OXSR1: variants seen among roughly 807,000 people sequenced by gnomAD.
OXSR1 encodes oxidative stress responsive kinase 1.
A neutral mutation model predicts 79.8 loss-of-function variants in OXSR1; 24 were observed. The ratio of observed to expected loss-of-function variants is 0.30; its 90% CI spans 0.22 to 0.42. OXSR1 has a LOEUF of 0.42. Ranked by LOEUF, OXSR1 falls within the 10% of genes least tolerant of loss-of-function variation. OXSR1 has a pLI of 1.00. For synonymous variants in OXSR1, 226 were observed against 209.2 expected (o/e 1.08, Z -0.69); for missense variants, 430 against 618.4 (o/e 0.70, Z 3.23).
intron 5 of OXSR1, among the ~76,000 whole-genome samples, chr3:38,221,320 A>G (rs1400773601): frequency 6.6e-6 from 1 of 151,996 alleles, no homozygotes; most frequent in South Asian, 2.1e-4. Context: ...AGGTCTCCCT[A>G]TGTTGCTTAG....
chr3:38,191,006 C>T (rs1318088862), intron 3 of OXSR1, among the ~76,000 whole-genome samples, 167 bp downstream of exon 3: 1 of 152,158 alleles, frequency 6.6e-6, no homozygotes, highest in Non-Finnish European at 1.5e-5. Context: ...ACAGTTTTCA[C>T]ACATTGCATT....
upstream of OXSR1, among the ~76,000 whole-genome samples, chr3:38,164,085 A>T (rs1178324990): frequency 6.6e-5 from 10 of 152,286 alleles, no homozygotes; most frequent in Non-Finnish European, 1.5e-5. Flanking sequence ...AAGTAACTCA[A>T]GATTTTCCTT....
In OXSR1 at chr3:38,235,347, T is replaced by C. The variant is rs368812187; in HGVS notation, c.952-1492T>C. ...ATTCAATATAAAGGTTGAGGAAATT[T>C]CCCAGAAAAGAGTTCAAAAGGCCCA... On this transcript the variant is annotated intron_variant, in intron 10 of 17. Coordinates refer to ENST00000311806, the MANE Select transcript of OXSR1 (RefSeq NM_005109.3). Among the ~76,000 whole-genome samples the C allele has an allele frequency of 3.3e-5, 5 of 152,000 alleles. No homozygotes were observed. The East Asian group carries it at 5.8e-4, about 18-fold the overall frequency.
chr3:38,212,260 T>C (rs1702403354), intron 4 of OXSR1, among the ~76,000 whole-genome samples: 1 of 152,236 alleles, frequency 6.6e-6, no homozygotes, highest in Admixed American at 6.5e-5. Context: ...ATTTTTAGGA[T>C]GTCTTGCTAC....
chr3:38,205,513 G>A (rs939597601), intron 4 of OXSR1, among the ~76,000 whole-genome samples: 4 of 152,174 alleles, frequency 2.6e-5, no homozygotes, highest in African/African-American at 7.2e-5. Context: ...TGAATAGCAG[G>A]GGCCTCTTTG....
chr3:38,166,480 A>C (rs1411226053), intron 1 of OXSR1, among the ~76,000 whole-genome samples: 1 of 152,048 alleles, frequency 6.6e-6, no homozygotes, highest in South Asian at 2.1e-4. Context: ...GGAGGTAGAC[A>C]TTAAATAAGA....
chr3:38,247,538 G>A (rs1015743340), intron 13 of OXSR1, 130 bp from the exon 14 acceptor site: 2 of 621,398 alleles, frequency 3.2e-6, no homozygotes, highest in Non-Finnish European at 5.9e-6. Context: ...AATGTCCTGG[G>A]GATTAGTATG....
chr3:38,193,493 A>C, intron 3 of OXSR1: 2 of 972,384 alleles, frequency 2.1e-6, no homozygotes, highest in Non-Finnish European at 1.4e-6. Flanking sequence ...AATATGTAAT[A>C]CAACATTTTT....
intron 11 of OXSR1, among the ~76,000 whole-genome samples, chr3:38,239,583 C>A (rs1702986229): frequency 6.6e-6 from 1 of 152,166 alleles, no homozygotes; most frequent in Non-Finnish European, 1.5e-5. Flanking sequence ...AGGCACTGTT[C>A]CTGGCCCTGT....
At chr3:38,250,136 T>G (rs1212408861) in intron 15 of OXSR1, 118 bp downstream of exon 15, 10 of 725,618 alleles carry the variant, frequency 1.4e-5, no homozygotes, top group Admixed American at 2.6e-5. Flanking sequence ...AAAATTTTCC[T>G]GGTTTTGGCG....
chr3:38,227,605 A>G (rs935309393), intron 8 of OXSR1, among the ~76,000 whole-genome samples: 5 of 152,040 alleles, frequency 3.3e-5, no homozygotes, highest in African/African-American at 1.2e-4. Context: ...GTATACATAT[A>G]CATGAACTTA....
chr3:38,255,373 A>T lies in OXSR1; in HGVS notation c.*2482A>T, dbSNP rs1575383422. The T allele has an allele frequency of 6.6e-6, 1 of 152,660 alleles. No homozygotes were observed. The highest frequency in any genetic ancestry group is 1.5e-5 in the Non-Finnish European group (1 of 68,042). 9.5% of individuals were successfully genotyped at this position (152,660 alleles called of 1,614,324 possible). A position where few individuals can be genotyped will look rare whatever the true frequency, so the allele number is the denominator to read the frequency against. On this transcript the variant is annotated 3_prime_UTR_variant, in exon 18 of 18. Coordinates refer to ENST00000311806, the MANE Select transcript of OXSR1 (RefSeq NM_005109.3). ...CAATAAGTGGAGATTCCTCCTTATG[A>T]TGTATGCTAGGTTATGGAAGATGTA...
In OXSR1 at chr3:38,242,745, TC is replaced by T; in HGVS notation, c.1081del (p.Arg361GlufsTer2). 1 of 1,562,252 alleles carries T rather than the reference TC, an allele frequency of 6.4e-7. No homozygotes were observed. Among genetic ancestry groups the T allele is most frequent in the Non-Finnish European group, 8.7e-7 (1 of 1,143,792 alleles). ...GKAAISQLRS[P>X]RVKESISNSE... ...CATCCTTTTTGTATTTCGTTTAGTC[TC>T]CCCGAGTGAAAGAATCAATATCAAA... is the stretch of plus-strand genomic sequence containing the variant. On this transcript the variant is annotated frameshift_variant, in exon 12 of 18. Transcript: ENST00000311806. LOFTEE classifies it high-confidence loss of function.
intron 4 of OXSR1, among the ~76,000 whole-genome samples, chr3:38,209,409 A>C (rs1364362132): frequency 6.6e-6 from 1 of 151,718 alleles, no homozygotes; most frequent in African/African-American, 2.4e-5. Context: ...TTATAGAGAC[A>C]GGGTCCTACA....
intron 1 of OXSR1, among the ~76,000 whole-genome samples, chr3:38,171,830 A>G (rs1392761476): frequency 6.6e-6 from 1 of 152,234 alleles, no homozygotes; most frequent in Non-Finnish European, 1.5e-5. Flanking sequence ...ATTTCTGAGC[A>G]TGTGTTATAC....
chr3:38,229,921 G>T (rs1031906280), intron 9 of OXSR1, among the ~76,000 whole-genome samples, 186 bp downstream of exon 9: 2 of 152,086 alleles, frequency 1.3e-5, no homozygotes, highest in Admixed American at 1.3e-4. Context: ...TAGTAAATCC[G>T]TTTTTAAATA....
chr3:38,241,612 G>T (rs576604835), intron 11 of OXSR1, among the ~76,000 whole-genome samples: 1 of 152,052 alleles, frequency 6.6e-6, no homozygotes, highest in East Asian at 1.9e-4. Context: ...AATATATTTA[G>T]AAAGAGAAAG....
chr3:38,237,869 C>T (rs1331156540), intron 11 of OXSR1, among the ~76,000 whole-genome samples: 2 of 152,124 alleles, frequency 1.3e-5, no homozygotes, highest in African/African-American at 4.8e-5. Context: ...TTCTTCCTTA[C>T]TTTTTCATGT....
At position 38,178,345 on chromosome 3, in the gene OXSR1, G is replaced by A. The variant is rs564167878; in HGVS notation, c.71-4658G>A. 3.3e-5 allele frequency among the ~76,000 whole-genome samples: 5 copies of A among 152,210 alleles called. No homozygotes were observed. The South Asian group carries it at 1.0e-3, about 32-fold the overall frequency. On this transcript the variant is annotated intron_variant, in intron 1 of 17. Coordinates refer to ENST00000311806, the MANE Select transcript of OXSR1 (RefSeq NM_005109.3). ...GGTTGTATTTATCCATGTTGGTGTT[G>A]CCTATGGTTGTGTTTATTGAGAGAT...
Sources: gnomAD v4.1 joint callset for allele counts (sites outside exome capture counted in the v4.1 genomes callset) on GRCh38, gnomAD v4.1.1 for gene constraint, MANE v1.5 for transcripts, NCBI Gene and HGNC (gene_info 2026-07-23, HGNC 2026-07-21) for gene names.